DOCK10: variants seen among roughly 807,000 people sequenced by gnomAD.
The protein encoded by DOCK10 is dedicator of cytokinesis protein 10.
A neutral mutation model predicts 280.1 loss-of-function variants in DOCK10; 145 were observed. That is an observed-to-expected ratio of 0.52 (90% CI 0.45 to 0.59). The LOEUF (loss-of-function observed/expected upper bound fraction) is 0.59. Ranked by LOEUF, DOCK10 falls within the 20% of genes least tolerant of loss-of-function variation. The probability of loss-of-function intolerance (pLI) is 0.00; values close to 1 mark genes in which losing one functional copy is unlikely to be tolerated. For synonymous variants in DOCK10, 915 were observed against 942.2 expected (o/e 0.97, Z 0.53); for missense variants, 2,368 against 2,651.7 (o/e 0.89, Z 2.35).
At position 224,898,138 on chromosome 2, in the gene DOCK10, G is replaced by T. The variant is rs1700088589; in HGVS notation, c.334-1761C>A. ...TGCCTTTGCAGAAAGGATGGAGGGG[G>T]GTGGCCTAGTGCACATCATAGAAAG... On this transcript the variant is annotated intron_variant, in intron 3 of 55. Transcript: ENST00000258390. Among the ~76,000 whole-genome samples the T allele has an allele frequency of 2.6e-5, 4 of 152,136 alleles. No homozygotes were observed. In the South Asian group the frequency reaches 8.3e-4, roughly 32 times the overall value.
chr2:224,889,850 C>T (rs1026266731), intron 4 of DOCK10, among the ~76,000 whole-genome samples: 2 of 152,206 alleles, frequency 1.3e-5, no homozygotes, highest in African/African-American at 4.8e-5. Context: ...CAACCCTTCC[C>T]TCTCCCCCAC....
intron 48 of DOCK10, among the ~76,000 whole-genome samples, chr2:224,788,208 T>A (rs1384085857): frequency 1.3e-5 from 2 of 152,162 alleles, no homozygotes; most frequent in African/African-American, 2.4e-5. Flanking sequence ...TTTCTCAAGA[T>A]CCTAAATTCT....
At chr2:224,813,904 C>T in intron 31 of DOCK10, among the ~76,000 whole-genome samples, 1 of 152,154 alleles carries the variant, frequency 6.6e-6, no homozygotes. Context: ...AAGTTACTAA[C>T]CCATTTCAGA....
chr2:224,886,730 A>G (rs1246507760), intron 4 of DOCK10, among the ~76,000 whole-genome samples, 199 bp from the exon 5 acceptor site: 1 of 152,034 alleles, frequency 6.6e-6, no homozygotes, highest in Non-Finnish European at 1.5e-5. Context: ...CAGTATATAA[A>G]TCTCTATTTT....
intron 50 of DOCK10, among the ~76,000 whole-genome samples, chr2:224,785,746 C>T (rs929252572): frequency 1.3e-5 from 2 of 152,206 alleles, no homozygotes; most frequent in African/African-American, 2.4e-5. Context: ...TCTCAAAGTA[C>T]TGGATTACAG....
At chr2:225,022,973 A>T (rs988081003) in intron 1 of DOCK10, among the ~76,000 whole-genome samples, 5 of 152,344 alleles carry the variant, frequency 3.3e-5, no homozygotes, top group African/African-American at 1.2e-4. Flanking sequence ...CATAGTTTGG[A>T]GGAGATGCTC....
intron 53 of DOCK10, among the ~76,000 whole-genome samples, chr2:224,771,369 C>A (rs1256482481): frequency 1.3e-5 from 2 of 152,178 alleles, no homozygotes; most frequent in Non-Finnish European, 2.9e-5. Context: ...TATTAACACT[C>A]AAATAAACAC....
At chr2:224,809,404 AG>A (rs1299001857) in intron 31 of DOCK10, among the ~76,000 whole-genome samples, 2 of 152,170 alleles carry the variant, frequency 1.3e-5, no homozygotes, top group African/African-American at 4.8e-5. Flanking sequence ...AAAATGAAAA[AG>A]CAAACTACAG....
chr2:224,977,089 C>T (rs773156051), intron 1 of DOCK10, among the ~76,000 whole-genome samples: 1 of 152,154 alleles, frequency 6.6e-6, no homozygotes, highest in Non-Finnish European at 1.5e-5. Context: ...GAGATTTCAC[C>T]TTCCCAACTC....
chr2:224,804,893 C>A, intron 37 of DOCK10, 52 bp from the exon 38 acceptor site: 1 of 1,351,690 alleles, frequency 7.4e-7, no homozygotes, highest in South Asian at 1.5e-5. Flanking sequence ...TTTTATTATA[C>A]AAACTGTTCA....
chr2:224,778,761 A>T (rs1172636479), intron 50 of DOCK10, among the ~76,000 whole-genome samples: 2 of 152,214 alleles, frequency 1.3e-5, no homozygotes, highest in Non-Finnish European at 2.9e-5. Flanking sequence ...GCTGACGTGC[A>T]TCCCACATAA....
At chr2:224,867,109 A>AC (rs1559605159) in intron 11 of DOCK10, among the ~76,000 whole-genome samples, 14 of 132,908 alleles carry the variant, frequency 1.1e-4, no homozygotes, top group African/African-American at 3.7e-4. Context: ...CACACACACA[A>AC]AATTTATTTA....
chr2:224,839,904 T>C (rs1412303748), intron 24 of DOCK10, 50 bp downstream of exon 24: 2 of 772,136 alleles, frequency 2.6e-6, no homozygotes, highest in East Asian at 2.7e-5. Flanking sequence ...TAAGAGTTTA[T>C]GTAACTACAC....
intron 27 of DOCK10, among the ~76,000 whole-genome samples, chr2:224,827,218 G>A (rs937439491): frequency 2.7e-5 from 4 of 150,302 alleles, no homozygotes; most frequent in Non-Finnish European, 4.4e-5. Flanking sequence ...AGCCGAGATC[G>A]TGCCACTGCA....
intron 50 of DOCK10, among the ~76,000 whole-genome samples, chr2:224,783,808 T>C (rs184355869): frequency 6.6e-6 from 1 of 151,638 alleles, no homozygotes; most frequent in East Asian, 1.9e-4. Flanking sequence ...TAAATGAACA[T>C]AGAAAATGCT....
chr2:224,775,501 G>A (rs779640877), intron 51 of DOCK10, among the ~76,000 whole-genome samples: 4 of 151,416 alleles, frequency 2.6e-5, no homozygotes, highest in African/African-American at 4.9e-5. Flanking sequence ...TTTGAGACAG[G>A]GTCTTGCTCT....
intron 2 of DOCK10, among the ~76,000 whole-genome samples, chr2:224,925,017 C>G (rs1372442226): frequency 6.6e-6 from 1 of 152,130 alleles, no homozygotes; most frequent in East Asian, 1.9e-4. Flanking sequence ...AATATTATAA[C>G]ATAGAAAGAA....
chr2:224,853,175 G>T, intron 16 of DOCK10, 53 bp from the exon 17 acceptor site: 1 of 1,419,620 alleles, frequency 7.0e-7, no homozygotes, highest in African/African-American at 1.4e-5. Flanking sequence ...CTTTTAAAGT[G>T]AACAATAGTT....
chr2:224,990,565 C>T (rs1706098228), intron 1 of DOCK10, among the ~76,000 whole-genome samples: 2 of 152,006 alleles, frequency 1.3e-5, no homozygotes, highest in South Asian at 4.1e-4. Flanking sequence ...TGCTTGTTTT[C>T]TCCCCACTTC....
Sources: allele counts gnomAD v4.1 joint callset (sites outside exome capture counted in the v4.1 genomes callset), GRCh38; gene constraint gnomAD v4.1.1; transcripts MANE v1.5; gene names NCBI Gene and HGNC (gene_info 2026-07-23, HGNC 2026-07-21).